ANK1: variants seen among roughly 807,000 people sequenced by gnomAD.
ANK1 encodes the protein ankyrin-1.
Under a neutral mutation model 210.4 loss-of-function variants are expected in ANK1, and 51 were observed. That is an observed-to-expected ratio of 0.24 (90% confidence interval 0.19 to 0.31). The LOEUF is 0.31. Among genes scored for constraint, ANK1 ranks in the 10% least tolerant of loss-of-function variants. The probability of loss-of-function intolerance (pLI) is 1.00; values close to 1 mark genes in which losing one functional copy is unlikely to be tolerated. For synonymous variants in ANK1, 967 were observed against 1,025.9 expected (o/e 0.94, Z 1.10); for missense variants, 2,051 against 2,504.4 (o/e 0.82, Z 3.86).
chr8:41,821,712 A>AT (rs200559830), intron 1 of ANK1, among the ~76,000 whole-genome samples: 3,471 of 152,156 alleles, frequency 0.023, 128 homozygotes, highest in African/African-American at 0.075. Flanking sequence ...CAATTCTAAC[A>AT]TTTTTTCAGG....
At chr8:41,695,383 G>A (rs775054611) in intron 26 of ANK1, 52 bp from the exon 27 acceptor site, 7 of 1,611,792 alleles carry the variant, frequency 4.3e-6, no homozygotes, top group Non-Finnish European at 5.9e-6. Flanking sequence ...AGGCAGGCAG[G>A]GCACAGGGAG....
At chr8:41,769,732 C>T (rs971245123) in intron 1 of ANK1, among the ~76,000 whole-genome samples, 2 of 152,048 alleles carry the variant, frequency 1.3e-5, no homozygotes, top group Middle Eastern at 3.2e-3. Context: ...TGGGCATAAT[C>T]ACCTCCAAAA....
intron 37 of ANK1, among the ~76,000 whole-genome samples, chr8:41,680,401 T>A (rs1008787389): frequency 3.3e-5 from 5 of 151,782 alleles, no homozygotes; most frequent in African/African-American, 1.2e-4. Context: ...CCGTCTCTAC[T>A]AAAATATAAA....
At chr8:41,892,448 GCACTCTT>G (rs1819633430) in intron 1 of ANK1, among the ~76,000 whole-genome samples, 1 of 152,104 alleles carries the variant, frequency 6.6e-6, no homozygotes, top group Admixed American at 6.6e-5. Flanking sequence ...CTTTCTTCCT[GCACTCTT>G]CCTCCATCCC....
chr8:41,825,579 C>A (rs1805229938), intron 1 of ANK1, among the ~76,000 whole-genome samples: 1 of 152,192 alleles, frequency 6.6e-6, no homozygotes, highest in African/African-American at 2.4e-5. Flanking sequence ...CAGGCCTGAG[C>A]TCAACACTTG....
At chr8:41,785,251 T>C (rs1846109172) in intron 1 of ANK1, among the ~76,000 whole-genome samples, 1 of 152,114 alleles carries the variant, frequency 6.6e-6, no homozygotes, top group African/African-American at 2.4e-5. Flanking sequence ...TCCTGGCTAC[T>C]CGGAAGGCTG....
At chr8:41,716,584 C>G (rs1032493824) in intron 13 of ANK1, among the ~76,000 whole-genome samples, 4 of 152,192 alleles carry the variant, frequency 2.6e-5, no homozygotes, top group Admixed American at 2.6e-4. Flanking sequence ...AATGTGTTTA[C>G]AGCAAGGGGG....
chr8:41,681,859 C>G (rs1276177492), intron 37 of ANK1, among the ~76,000 whole-genome samples: 1 of 151,842 alleles, frequency 6.6e-6, no homozygotes, highest in African/African-American at 2.4e-5. Flanking sequence ...GAAGCTGATT[C>G]TGGACAAAGC....
At chr8:41,837,044 T>C (rs893013307) in intron 1 of ANK1, among the ~76,000 whole-genome samples, 1 of 152,188 alleles carries the variant, frequency 6.6e-6, no homozygotes, top group Non-Finnish European at 1.5e-5. Context: ...GCAATGAGCA[T>C]TGGTTAAATG....
chr8:41,761,298 TAC>T (rs905040076), intron 1 of ANK1, among the ~76,000 whole-genome samples: 19 of 149,220 alleles, frequency 1.3e-4, no homozygotes, highest in African/African-American at 4.5e-4. Flanking sequence ...AAGAGATGCA[TAC>T]ACACACACGC....
intron 23 of ANK1, among the ~76,000 whole-genome samples, chr8:41,699,181 C>G (rs1463471408): frequency 6.6e-6 from 1 of 151,928 alleles, no homozygotes; most frequent in Non-Finnish European, 1.5e-5. Flanking sequence ...ATGAGGGGAG[C>G]CTGGGAGAGG....
chr8:41,661,972 GGT>G, intron 40 of ANK1, 31 bp from the exon 41 acceptor site: 1 of 1,611,508 alleles, frequency 6.2e-7, no homozygotes, highest in South Asian at 1.1e-5. Context: ...GGAAAGGGCT[GGT>G]CAGGCCGGGC....
Position 41,694,583 on chromosome 8 carries a change from G to A in ANK1, c.3327+9C>T. 1 of 1,611,410 alleles carries A rather than the reference G, an allele frequency of 6.2e-7. No individual in the cohort carries two copies. Among genetic ancestry groups the A allele is most frequent in the Non-Finnish European group, 8.5e-7 (1 of 1,179,400 alleles). On this transcript the variant is annotated intron_variant, in intron 28 of 42. Coordinates refer to ENST00000289734, the MANE Select transcript of ANK1 (RefSeq NM_000037.4). The surrounding 1 kb of genome is among the most constrained non-coding windows in gnomAD (Gnocchi z 5.7). ...ACCCCCAGGACCTGGCGGGGAGGAGGGCTGTCACCTGCAGAGCCAGCTTCA... is the reference window on the plus strand; with the variant it reads ...ACCCCCAGGACCTGGCGGGGAGGAGAGCTGTCACCTGCAGAGCCAGCTTCA...
Position 41,724,436 on chromosome 8 carries a change from C to A in ANK1, c.711+20G>T. Reference sequence around the variant, plus strand: ...GCCCCAAGCCCCCGGACAGTGAGGGCGCACGTGCCCCAGGGTTACCTGTGG... The same window carrying A: ...GCCCCAAGCCCCCGGACAGTGAGGGAGCACGTGCCCCAGGGTTACCTGTGG... On this transcript the variant is annotated intron_variant, in intron 7 of 42. Coordinates refer to ENST00000289734, the MANE Select transcript of ANK1 (RefSeq NM_000037.4). 1 of 1,547,128 alleles carries A rather than the reference C, an allele frequency of 6.5e-7. No homozygotes were observed.
At chr8:41,755,895 G>T (rs1839023185) in intron 2 of ANK1, among the ~76,000 whole-genome samples, 1 of 152,184 alleles carries the variant, frequency 6.6e-6, no homozygotes, top group African/African-American at 2.4e-5. Context: ...CGGGGGGCCT[G>T]GTCCTTCATC....
intron 1 of ANK1, among the ~76,000 whole-genome samples, chr8:41,866,317 GT>G (rs1301385530): frequency 6.6e-6 from 1 of 152,168 alleles, no homozygotes; most frequent in African/African-American, 2.4e-5. Context: ...GACTTCCCGG[GT>G]AGCTGAGACC....
chr8:41,896,026 G>A (rs548013664), intron 1 of ANK1, among the ~76,000 whole-genome samples: 184 of 152,288 alleles, frequency 1.2e-3, no homozygotes, highest in Non-Finnish European at 1.5e-3. Context: ...AGCCAAGGCC[G>A]GGAAAGTTGG....
At chr8:41,761,832 A>AG (rs1051906639) in intron 1 of ANK1, among the ~76,000 whole-genome samples, 1 of 152,104 alleles carries the variant, frequency 6.6e-6, no homozygotes, top group Non-Finnish European at 1.5e-5. Flanking sequence ...CCTTCCAGAC[A>AG]GGGGGTCCTC....
intron 1 of ANK1, among the ~76,000 whole-genome samples, chr8:41,768,732 CG>C (rs1382356824): frequency 6.7e-6 from 1 of 149,878 alleles, no homozygotes; most frequent in South Asian, 2.1e-4. Context: ...GAGGCTGAGG[CG>C]GGGGGATTGC....
Sources: gnomAD v4.1 joint callset for allele counts (sites outside exome capture counted in the v4.1 genomes callset) on GRCh38, gnomAD v4.1.1 for gene constraint, Gnocchi (gnomAD v3.1) non-coding constraint, MANE v1.5 for transcripts, NCBI Gene and HGNC (gene_info 2026-07-23, HGNC 2026-07-21) for gene names.